The following TIGD4 variants were observed in gnomAD, a reference collection of about 807,000 sequenced individuals.
TIGD4 encodes the protein tigger transposable element derived 4.
Under a neutral mutation model 24.9 loss-of-function variants are expected in TIGD4, and 20 were observed. The observed-to-expected ratio is 0.80, with a 90% CI of 0.56 to 1.17. The LOEUF (loss-of-function observed/expected upper bound fraction) is 1.17, where lower values mean the gene tolerates loss of function less well. Ranked by LOEUF, TIGD4 falls within the 50% of genes most tolerant of loss-of-function variation. The pLI is 0.00. For missense variants in TIGD4, 566 were observed against 591.0 expected, an observed-to-expected ratio of 0.96 and a Z score of 0.44; for synonymous variants, 193 against 211.0, an observed-to-expected ratio of 0.91 and a Z score of 0.74.
Position 152,769,997 on chromosome 4 carries a change from C to G in TIGD4, c.1008G>C (p.Lys336Asn). 1 of 1,608,984 alleles carries G rather than the reference C, an allele frequency of 6.2e-7. No individual in the cohort carries two copies. Among genetic ancestry groups the G allele is most frequent in the Non-Finnish European group, 8.5e-7 (1 of 1,176,530 alleles). ...TACCTTCAACAGAGCTTAAAAATTT[C>G]TTGATAAGACAGTGTCGATATTTGA... ...LKIKYRHCLI[K>N]KFLSSVEGSK... is the part of the protein sequence containing the mutation. Residue 336 changes from lysine (K) to asparagine (N), a missense_variant, in exon 2 of 2, where the codon AAG (lysine) becomes AAC (asparagine). Transcript: ENST00000304337.
Position 152,770,397 on chromosome 4 carries a change from G to A in TIGD4, c.608C>T (p.Thr203Ile). 1 of 1,614,064 alleles carries A rather than the reference G, an allele frequency of 6.2e-7. No individual in the cohort carries two copies. The highest frequency in any genetic ancestry group is 1.1e-5 in the South Asian group (1 of 91,078). ...TTTGCATAACTTTCCAACTGAACAT[G>A]TTTCGCCTTTAAATGCAAATGTATT... ...PTNTFAFKGETCSVGKLCKDR... is the reference protein window; with the variant it reads ...PTNTFAFKGEICSVGKLCKDR... Residue 203 changes from threonine to isoleucine, a missense_variant, in exon 2 of 2, where the codon ACA (threonine) becomes ATA (isoleucine). By Grantham distance (89) the Thr-to-Ile change is moderately conservative. Coordinates refer to ENST00000304337, the MANE Select transcript of TIGD4 (RefSeq NM_145720.4).
intron 1 of TIGD4, among the ~76,000 whole-genome samples, chr4:152,774,204 TAATA>T (rs1424763711): frequency 2.0e-5 from 3 of 152,216 alleles, no homozygotes; most frequent in African/African-American, 7.2e-5. Flanking sequence ...TAAAGTGACA[TAATA>T]TATACTATCA....
chr4:152,776,309 AAATG>A (rs1730258946), intron 1 of TIGD4, among the ~76,000 whole-genome samples: 1 of 152,228 alleles, frequency 6.6e-6, no homozygotes, highest in Non-Finnish European at 1.5e-5. Context: ...CTCTCTAGGT[AAATG>A]AATTATAAAT....
chr4:152,773,213 C>A (rs961818071), intron 1 of TIGD4, among the ~76,000 whole-genome samples: 1 of 152,158 alleles, frequency 6.6e-6, no homozygotes, highest in African/African-American at 2.4e-5. Context: ...TCCTGGTTTC[C>A]CAGGTGATGC....
At position 152,769,717 on chromosome 4, in the gene TIGD4, A is replaced by G. The variant is rs925979454; in HGVS notation, c.1288T>C (p.Cys430Arg). The part of the protein sequence containing the change: ...YAALDDDLET[C>R]EAAPNGDSIC... ...GAATCACCATTTGGTGCTGCTTCACATGTCTCCAAATCATCATCCAGGGCA... is the reference window on the plus strand; with the variant it reads ...GAATCACCATTTGGTGCTGCTTCACGTGTCTCCAAATCATCATCCAGGGCA... The change falls in exon 2 of 2, where the codon TGT (cysteine) becomes CGT (arginine). Residue 430 changes from cysteine (C) to arginine (R), a missense_variant. Transcript: ENST00000304337. 3.1e-6 allele frequency: 5 copies of G among 1,613,840 alleles called. No individual in the cohort carries two copies. Among genetic ancestry groups the G allele is most frequent in the Non-Finnish European group, 8.5e-7 (1 of 1,179,924 alleles).
chr4:152,772,068 G>A (rs10002433), intron 1 of TIGD4, among the ~76,000 whole-genome samples: 25,359 of 151,914 alleles, frequency 0.17, 2,201 homozygotes, highest in African/African-American at 0.2. Context: ...AATCCCATTC[G>A]ACCTAAAAGC....
chr4:152,778,361 C>A (rs1730300937), intron 1 of TIGD4, among the ~76,000 whole-genome samples: 1 of 152,202 alleles, frequency 6.6e-6, no homozygotes, highest in Admixed American at 6.5e-5. Flanking sequence ...ACCCTAGGAA[C>A]AACACTTGTA....
rs750729683 is a variant in TIGD4 at position 152,770,818 on chromosome 4, C to G, written c.187G>C (p.Val63Leu). 3.7e-6 allele frequency: 6 copies of G among 1,612,432 alleles called. No homozygotes were observed. The East Asian group carries it at 1.3e-4, about 36-fold the overall frequency. ...LSSIMKNKDKVLEAFESLRFD... is the reference protein window; with the variant it reads ...LSSIMKNKDKLLEAFESLRFD... ...CTTAGAGATTCAAAGGCTTCTAGAA[C>G]TTTGTCTTTATTCTTCATAATAGAA... Residue 63 changes from valine to leucine, a missense_variant, in exon 2 of 2, where the codon GTT becomes CTT. Physicochemically the swap from Val to Leu is conservative, Grantham distance 32. Transcript: ENST00000304337.
chr4:152,776,975 A>T (rs542753551), intron 1 of TIGD4, among the ~76,000 whole-genome samples: 1 of 152,366 alleles, frequency 6.6e-6, no homozygotes, highest in East Asian at 1.9e-4. Context: ...ATCACAGGTA[A>T]GGAAAAATAG....
In TIGD4 at chr4:152,769,783, C is replaced by T; in HGVS notation, c.1222G>A (p.Gly408Arg). Residue 408 changes from glycine to arginine, a missense_variant, in exon 2 of 2, where the codon GGA becomes AGA. Transcript: ENST00000304337. ...LDLVADALGA[G>R]VEFPEGLSIE... ...GATAAACCTTCAGGAAATTCTACTC[C>T]TGCCCCCAGAGCATCAGCAACCAAA... 1 of 1,613,562 alleles carries T rather than the reference C, an allele frequency of 6.2e-7. No individual in the cohort carries two copies. The highest frequency in any genetic ancestry group is 1.1e-5 in the South Asian group (1 of 91,074).
intron 1 of TIGD4, among the ~76,000 whole-genome samples, chr4:152,774,834 C>T (rs544788059): frequency 1.1e-4 from 17 of 151,840 alleles, no homozygotes; most frequent in Non-Finnish European, 1.3e-4. Flanking sequence ...TGTTACAATA[C>T]GCTTATGGAG....
chr4:152,777,338 A>C (rs1479175879), intron 1 of TIGD4, among the ~76,000 whole-genome samples: 27 of 152,250 alleles, frequency 1.8e-4, no homozygotes, highest in Admixed American at 1.8e-3. Context: ...ATAGCAGTGC[A>C]AAGTTAAATG....
rs1730118965 is a variant in TIGD4, at chr4:152,769,552, A to T, written c.1453T>A (p.Phe485Ile). The part of the protein sequence containing the change: ...AITALDTLKK[F>I]LRSQDMNDGL... ...TCATTCATATCTTGACTTCTGAGAA[A>T]TTTTTTCAGAGTATCTAAAGCAGTT... Residue 485 changes from phenylalanine to isoleucine, a missense_variant, in exon 2 of 2, where the codon TTT (phenylalanine) becomes ATT (isoleucine). By Grantham distance (21) the Phe-to-Ile change is conservative (BLOSUM62 0). Coordinates refer to ENST00000304337, the MANE Select transcript of TIGD4 (RefSeq NM_145720.4). The T allele has an allele frequency of 6.2e-7, 1 of 1,605,100 alleles. No individual in the cohort carries two copies. Among genetic ancestry groups the T allele is most frequent in the Non-Finnish European group, 8.5e-7 (1 of 1,177,052 alleles).
At position 152,770,554 on chromosome 4, in the gene TIGD4, C is replaced by T; in HGVS notation, c.451G>A (p.Ala151Thr). The change falls in exon 2 of 2, where the codon GCT becomes ACT. Residue 151 changes from alanine to threonine, a missense_variant. Coordinates refer to ENST00000304337, the MANE Select transcript of TIGD4 (RefSeq NM_145720.4). ...GAAGGGTCTACTGGTACACCTGTAGCTTCTACAGGTTGAGCTCTGAATACT... is the reference window on the plus strand; with the variant it reads ...GAAGGGTCTACTGGTACACCTGTAGTTTCTACAGGTTGAGCTCTGAATACT... ...GLVFRAQPVE[A>T]TGVPVDPSTV... 1 of 1,612,562 alleles carries T rather than the reference C, an allele frequency of 6.2e-7. No individual in the cohort carries two copies. The highest frequency in any genetic ancestry group is 8.5e-7 in the Non-Finnish European group (1 of 1,179,140).
intron 1 of TIGD4, among the ~76,000 whole-genome samples, chr4:152,777,828 AG>A (rs1730283869): frequency 6.6e-6 from 1 of 152,120 alleles, no homozygotes; most frequent in Non-Finnish European, 1.5e-5. Flanking sequence ...ATTGTCTCAA[AG>A]GATGTATAGA....
Position 152,770,716 on chromosome 4 carries a change from T to C in TIGD4, c.289A>G (p.Ile97Val), listed in dbSNP as rs758837056. ...ACTGGTACATTTAGACACTGAGCAA[T>C]TCGATACCATCTCATTAATGCCTCT... ...LEEALMRWYR[I>V]AQCLNVPVNG... The change falls in exon 2 of 2, where the codon ATT (isoleucine) becomes GTT (valine). Residue 97 changes from isoleucine to valine, a missense_variant. Physicochemically the swap from Ile to Val is conservative, Grantham distance 29. Coordinates refer to ENST00000304337, the MANE Select transcript of TIGD4 (RefSeq NM_145720.4). The C allele has an allele frequency of 1.2e-6, 2 of 1,613,620 alleles. No homozygotes were observed. Among genetic ancestry groups the C allele is most frequent in the Admixed American group, 1.7e-5 (1 of 59,944 alleles).
Position 152,770,114 on chromosome 4 carries a change from CTT to C in TIGD4, c.889_890del (p.Lys297GlufsTer6). 1 of 1,614,038 alleles carries C rather than the reference CTT, an allele frequency of 6.2e-7. No homozygotes were observed. On this transcript the variant is annotated frameshift_variant, in exon 2 of 2. Coordinates refer to ENST00000304337, the MANE Select transcript of TIGD4 (RefSeq NM_145720.4). LOFTEE classifies it high-confidence loss of function. ...VESFPAHPEV[K>X]NLKSIELAFF... ...ATGCTAACTCAATGGATTTTAGGTT[CTT>C]TACCTCTGGATGTGCTGGAAAAGAC... is the stretch of plus-strand genomic sequence containing the variant.
At chr4:152,776,931 CATCT>C (rs1730269850) in intron 1 of TIGD4, among the ~76,000 whole-genome samples, 1 of 152,126 alleles carries the variant, frequency 6.6e-6, no homozygotes, top group Non-Finnish European at 1.5e-5. Flanking sequence ...ACAGAAGTAG[CATCT>C]GAACTCAACT....
intron 1 of TIGD4, among the ~76,000 whole-genome samples, chr4:152,773,326 G>A (rs999047316): frequency 7.2e-5 from 11 of 152,160 alleles, no homozygotes; most frequent in Non-Finnish European, 1.3e-4. Context: ...ATTACAACCA[G>A]TAAAGGAATT....
Sources: allele counts gnomAD v4.1 joint callset (sites outside exome capture counted in the v4.1 genomes callset), GRCh38; gene constraint gnomAD v4.1.1; transcripts MANE v1.5; gene names NCBI Gene and HGNC (gene_info 2026-07-23, HGNC 2026-07-21).